GOLIM4: variants seen among roughly 807,000 people sequenced by gnomAD.
The protein encoded by GOLIM4 is golgi integral membrane protein 4.
In GOLIM4, 71 loss-of-function variants were observed where a neutral mutation model predicts 107.4. That is an observed-to-expected ratio of 0.66 (90% CI 0.55 to 0.81). The LOEUF is 0.81. Ranked by LOEUF, GOLIM4 falls within the 30% of genes least tolerant of loss-of-function variation. The pLI is 0.00. For missense variants in GOLIM4, 830 were observed against 826.1 expected (o/e 1.00, Z -0.06); for synonymous variants, 327 against 294.8 (o/e 1.11, Z -1.12).
At chr3:168,031,124 T>C (rs546786985) in intron 9 of GOLIM4, among the ~76,000 whole-genome samples, 9 of 152,232 alleles carry the variant, frequency 5.9e-5, no homozygotes, top group African/African-American at 1.7e-4. Flanking sequence ...ATATTCTCAT[T>C]CATGTAGGAG....
chr3:168,022,721 C>A (rs886648916), intron 14 of GOLIM4, among the ~76,000 whole-genome samples: 1 of 152,214 alleles, frequency 6.6e-6, no homozygotes, highest in African/African-American at 2.4e-5. Flanking sequence ...GTGGGACTTC[C>A]ACTAAGAGCA....
rs1718960983 is a variant in GOLIM4 at position 168,040,914 on chromosome 3, A to G, written c.601-45T>C. ...ACATGTTGAGCTTTAACATTCTACG[A>G]CAAATTCTTCTTTGGCTGATCGTGA... On this transcript the variant is annotated intron_variant, in intron 6 of 15. Transcript: ENST00000470487. The G allele has an allele frequency of 2.4e-6, 3 of 1,274,352 alleles. No homozygotes were observed. In the East Asian group the frequency reaches 6.9e-5, roughly 29 times the overall value. 78.9% of individuals were successfully genotyped at this position (1,274,352 alleles called of 1,614,324 possible). A position where few individuals can be genotyped will look rare whatever the true frequency, so the allele number is the denominator to read the frequency against.
chr3:168,095,040 C>G, intron 1 of GOLIM4, 59 bp downstream of exon 1: 1 of 1,379,596 alleles, frequency 7.2e-7, no homozygotes, highest in Middle Eastern at 2.2e-4. Flanking sequence ...ACTTTTCCTG[C>G]CCGGGTGGAG....
intron 3 of GOLIM4, among the ~76,000 whole-genome samples, chr3:168,046,272 G>C (rs1009674958): frequency 3.3e-5 from 5 of 151,746 alleles, no homozygotes; most frequent in Non-Finnish European, 5.9e-5. Flanking sequence ...CAGTTAATTT[G>C]GACTTTAAAA....
rs1484561130 is a variant in GOLIM4, at chr3:168,085,114, G to A, written c.187+9985C>T. Among the ~76,000 whole-genome samples, 4 of 152,308 alleles carry A rather than the reference G, an allele frequency of 2.6e-5. No individual in the cohort carries two copies. In the East Asian group the frequency reaches 7.7e-4, roughly 29 times the overall value. On this transcript the variant is annotated intron_variant, in intron 1 of 15. Transcript: ENST00000470487. ...GGAAGTACTGCTAAACAAAAAGGAG[G>A]CAGGACTTGATAGTTACGAAAATTC...
chr3:168,028,089 T>C (rs1718108946), intron 11 of GOLIM4, among the ~76,000 whole-genome samples: 1 of 152,222 alleles, frequency 6.6e-6, no homozygotes, highest in Non-Finnish European at 1.5e-5. Context: ...GCTGTAATTT[T>C]TCCCCCATAT....
intron 14 of GOLIM4, among the ~76,000 whole-genome samples, chr3:168,020,885 T>C (rs1717642097): frequency 6.6e-6 from 1 of 152,218 alleles, no homozygotes; most frequent in Admixed American, 6.5e-5. Context: ...CTAACTGATC[T>C]TTAAAATATG....
intron 2 of GOLIM4, 83 bp downstream of exon 2, chr3:168,048,207 CA>C (rs530884971): frequency 1.1e-3 from 762 of 720,370 alleles, no homozygotes; most frequent in Admixed American, 1.5e-3. Flanking sequence ...CGATCTTAGC[CA>C]AAAAAAAATT....
chr3:168,053,399 T>A (rs1212839523), intron 1 of GOLIM4, among the ~76,000 whole-genome samples: 1 of 152,164 alleles, frequency 6.6e-6, no homozygotes, highest in Non-Finnish European at 1.5e-5. Flanking sequence ...GTTTTATTTT[T>A]AAAAAACAAA....
At chr3:168,081,395 T>C (rs6807554) in intron 1 of GOLIM4, among the ~76,000 whole-genome samples, 5,273 of 152,026 alleles carry the variant, frequency 0.035, 291 homozygotes, top group African/African-American at 0.11. Context: ...ATGGACATAG[T>C]AGGCAGGGTT....
intron 1 of GOLIM4, among the ~76,000 whole-genome samples, chr3:168,080,330 A>C (rs1721290841): frequency 6.6e-6 from 1 of 152,218 alleles, no homozygotes; most frequent in Non-Finnish European, 1.5e-5. Flanking sequence ...GTAATATATC[A>C]ATAATATCTT....
chr3:168,022,344 AAAC>A (rs992943643), intron 14 of GOLIM4, among the ~76,000 whole-genome samples: 11 of 151,972 alleles, frequency 7.2e-5, no homozygotes, highest in Non-Finnish European at 1.0e-4. Flanking sequence ...AAAAAAAAAA[AAAC>A]AACAACAACA....
intron 7 of GOLIM4, among the ~76,000 whole-genome samples, chr3:168,038,514 T>A (rs1191107464): frequency 6.6e-6 from 1 of 152,236 alleles, no homozygotes; most frequent in Admixed American, 6.5e-5. Flanking sequence ...CAGGATAACC[T>A]GAGCTTCAAC....
intron 1 of GOLIM4, among the ~76,000 whole-genome samples, chr3:168,067,942 G>GT (rs1432939812): frequency 2.6e-5 from 4 of 151,690 alleles, no homozygotes; most frequent in Admixed American, 6.6e-5. Flanking sequence ...TTCTTTCAGA[G>GT]TTTTTTTTAA....
chr3:168,038,248 A>G (rs1718772717), intron 7 of GOLIM4, among the ~76,000 whole-genome samples: 1 of 152,216 alleles, frequency 6.6e-6, no homozygotes, highest in Non-Finnish European at 1.5e-5. Flanking sequence ...TGACATACAC[A>G]TAGCAATGCT....
Position 168,095,203 on chromosome 3 carries a change from T to C in GOLIM4, c.83A>G (p.Tyr28Cys). ...CAGCTCGTAGTAGAGCATCGCGCCG[T>C]AGAGAAAGCCGAACACGACGGTCAG... ...LLLTVVFGFL[Y>C]GAMLYYELQT... is the part of the protein sequence containing the mutation. Residue 28 changes from tyrosine to cysteine, a missense_variant, in exon 1 of 16, where the codon TAC becomes TGC. Tyr to Cys is a radical substitution (Grantham distance 194). Coordinates refer to ENST00000470487, the MANE Select transcript of GOLIM4 (RefSeq NM_014498.5). 3 of 1,613,590 alleles carry C rather than the reference T, an allele frequency of 1.9e-6. No individual in the cohort carries two copies. The highest frequency in any genetic ancestry group is 1.1e-5 in the South Asian group (1 of 91,062).
chr3:168,063,325 C>T (rs943924909), intron 1 of GOLIM4, among the ~76,000 whole-genome samples: 35 of 152,330 alleles, frequency 2.3e-4, no homozygotes, highest in Non-Finnish European at 5.9e-5. Flanking sequence ...CCTACACTTT[C>T]TTTTCACTTT....
At chr3:168,012,005 A>G (rs946789342) in intron 14 of GOLIM4, among the ~76,000 whole-genome samples, 13 of 145,056 alleles carry the variant, frequency 9.0e-5, no homozygotes, top group African/African-American at 1.7e-4. Flanking sequence ...CCAAAGGAAC[A>G]CAGTTCCTCA....
intron 14 of GOLIM4, among the ~76,000 whole-genome samples, chr3:168,021,206 T>C (rs766402409): frequency 4.6e-5 from 7 of 152,180 alleles, no homozygotes; most frequent in East Asian, 1.9e-4. Flanking sequence ...ACCTTTCTTT[T>C]ACACATTGAA....
Sources: allele counts gnomAD v4.1 joint callset (sites outside exome capture counted in the v4.1 genomes callset), GRCh38; gene constraint gnomAD v4.1.1; transcripts MANE v1.5; gene names NCBI Gene and HGNC (gene_info 2026-07-23, HGNC 2026-07-21).